The following NPSR1 variants were observed in gnomAD, a reference collection of about 807,000 sequenced individuals.
NPSR1 encodes neuropeptide S receptor.
In NPSR1, 48 loss-of-function variants were observed where a neutral mutation model predicts 46.9. The observed-to-expected ratio is 1.02, with a 90% CI of 0.81 to 1.30. The LOEUF is 1.30. NPSR1 is among the 50% of genes most tolerant of loss of function. The pLI, the probability that NPSR1 is intolerant of heterozygous loss-of-function variation, is 0.00. For synonymous variants in NPSR1, 176 were observed against 168.1 expected (o/e 1.05, Z -0.36); for missense variants, 450 against 449.5 (o/e 1.00, Z -0.01).
chr7:34,816,019 A>T (rs960293865), intron 4 of NPSR1, among the ~76,000 whole-genome samples: 1 of 152,238 alleles, frequency 6.6e-6, no homozygotes, highest in African/African-American at 2.4e-5. Context: ...TAACGGGCAA[A>T]ATAACCAGCT....
intron 5 of NPSR1, 54 bp downstream of exon 5, chr7:34,827,656 C>T: frequency 1.0e-6 from 1 of 966,048 alleles, no homozygotes; most frequent in Admixed American, 1.9e-5. Context: ...GGGGGGCTTT[C>T]CTGTTTCTCC....
At chr7:34,805,256 C>CCAA (rs1431159142) in intron 3 of NPSR1, among the ~76,000 whole-genome samples, 1 of 151,736 alleles carries the variant, frequency 6.6e-6, no homozygotes, top group African/African-American at 2.4e-5. Flanking sequence ...GTTTGAACAA[C>CCAA]CAACACTACC....
intron 4 of NPSR1, among the ~76,000 whole-genome samples, chr7:34,813,846 T>C (rs1050279338): frequency 3.3e-5 from 5 of 152,180 alleles, no homozygotes; most frequent in African/African-American, 1.2e-4. Flanking sequence ...TTAAAATGAA[T>C]TTATTTTGAT....
chr7:34,719,050 G>C (rs1388071680), intron 2 of NPSR1: 2 of 152,460 alleles, frequency 1.3e-5, no homozygotes, highest in African/African-American at 4.8e-5. Context: ...TGTCCTGCTG[G>C]CTTGGTGAGA....
chr7:34,670,434 C>G (rs1791991924), intron 1 of NPSR1, among the ~76,000 whole-genome samples: 1 of 151,804 alleles, frequency 6.6e-6, no homozygotes, highest in African/African-American at 2.4e-5. Context: ...TAAATCTCAG[C>G]TAGATTGCGG....
intron 2 of NPSR1, chr7:34,703,893 A>T (rs1322301246): frequency 1.7e-5 from 1 of 59,848 alleles, no homozygotes; most frequent in Non-Finnish European, 3.4e-5. Flanking sequence ...ACTCCCGATG[A>T]GTGTTCAACA....
chr7:34,734,602 C>A (rs1287281804), intron 2 of NPSR1, among the ~76,000 whole-genome samples: 2 of 152,188 alleles, frequency 1.3e-5, no homozygotes, highest in African/African-American at 4.8e-5. Context: ...CAAAAATAAT[C>A]TTTTCTTTGG....
chr7:34,661,531 T>C (rs921931063), intron 1 of NPSR1, among the ~76,000 whole-genome samples: 1 of 152,214 alleles, frequency 6.6e-6, no homozygotes, highest in Non-Finnish European at 1.5e-5. Flanking sequence ...GCACCCCGTC[T>C]AGATCTTACT....
rs1351919281 is a variant in NPSR1 at position 34,658,459 on chromosome 7, G to A, written c.47G>A (p.Gly16Glu). 1.2e-6 allele frequency: 2 copies of A among 1,614,144 alleles called. No homozygotes were observed. Among genetic ancestry groups the A allele is most frequent in the South Asian group, 2.2e-5 (2 of 91,080 alleles). Residue 16 changes from glycine to glutamate, a missense_variant, in exon 1 of 9, where the codon GGG (glycine) becomes GAG (glutamate). Coordinates refer to ENST00000360581, the MANE Select transcript of NPSR1 (RefSeq NM_207172.2). ...GGCAGCTTCGATTCCAGTGGGACCG[G>A]GCAGACGCTGGATTCTTCCCCAGTG... ...TEGSFDSSGTGQTLDSSPVAC... is the reference protein window; with the variant it reads ...TEGSFDSSGTEQTLDSSPVAC...
At chr7:34,869,341 A>C (rs769839907) in intron 8 of NPSR1, among the ~76,000 whole-genome samples, 2 of 151,860 alleles carry the variant, frequency 1.3e-5, no homozygotes, top group Non-Finnish European at 2.9e-5. Context: ...ACAGTACTGC[A>C]AAGTGATTAA....
At chr7:34,858,325 G>GTAT (rs1407116576) in intron 8 of NPSR1, among the ~76,000 whole-genome samples, 1 of 151,652 alleles carries the variant, frequency 6.6e-6, no homozygotes, top group African/African-American at 2.4e-5. Context: ...AAATTATGGT[G>GTAT]TATTTCATAC....
At position 34,748,454 on chromosome 7, in the gene NPSR1, G is replaced by T. The variant is rs574522695; in HGVS notation, c.281-30008G>T. 8.5e-5 allele frequency among the ~76,000 whole-genome samples: 13 copies of T among 152,236 alleles called. No individual in the cohort carries two copies. The East Asian group carries it at 2.3e-3, about 27-fold the overall frequency. On this transcript the variant is annotated intron_variant, in intron 2 of 8. Coordinates refer to ENST00000360581, the MANE Select transcript of NPSR1 (RefSeq NM_207172.2). ...AGACAGAAAGCAGCCTCAGGACGGG[G>T]CCAGAGCATGAGACTAGGGGTGGTG...
At position 34,792,689 on chromosome 7, in the gene NPSR1, GTATATATATACGTA is replaced by G. The variant is rs1787968072; in HGVS notation, c.384+14135_384+14148del. On this transcript the variant is annotated intron_variant, in intron 3 of 8. Coordinates refer to ENST00000360581, the MANE Select transcript of NPSR1 (RefSeq NM_207172.2). The stretch of plus-strand genomic sequence containing the variant: ...TTTATATATATGTATATATATATAT[GTATATATATACGTA>G]TATATATATATTTATATATATATAT... Among the ~76,000 whole-genome samples, 26 of 74,290 alleles carry G rather than the reference GTATATATATACGTA, an allele frequency of 3.5e-4. 1 individual carries two copies. Among genetic ancestry groups the G allele is most frequent in the South Asian group, 7.3e-4 (2 of 2,734 alleles). 48.7% of individuals were successfully genotyped at this position (74,290 alleles called of 152,430 possible). A position where few individuals can be genotyped will look rare whatever the true frequency, so the allele number is the denominator to read the frequency against.
At chr7:34,659,263 G>A (rs1791338510) in intron 1 of NPSR1, among the ~76,000 whole-genome samples, 1 of 152,168 alleles carries the variant, frequency 6.6e-6, no homozygotes, top group African/African-American at 2.4e-5. Flanking sequence ...GCACATTTGG[G>A]AAAAGAACAG....
chr7:34,712,848 C>T (rs1783368706), intron 2 of NPSR1, among the ~76,000 whole-genome samples: 1 of 152,184 alleles, frequency 6.6e-6, no homozygotes, highest in African/African-American at 2.4e-5. Context: ...TTTTTCTCTC[C>T]ATTTTCTTGC....
At chr7:34,802,886 C>T (rs1165907196) in intron 3 of NPSR1, among the ~76,000 whole-genome samples, 2 of 150,202 alleles carry the variant, frequency 1.3e-5, no homozygotes, top group African/African-American at 2.5e-5. Context: ...AACAAACAAC[C>T]CCATCAAAAA....
At chr7:34,804,188 A>T (rs911077072) in intron 3 of NPSR1, among the ~76,000 whole-genome samples, 1 of 152,132 alleles carries the variant, frequency 6.6e-6, no homozygotes, top group Non-Finnish European at 1.5e-5. Context: ...CCCTAATTCT[A>T]AAACCAATGA....
chr7:34,847,789 T>G (rs1790790975), intron 7 of NPSR1, among the ~76,000 whole-genome samples: 1 of 152,216 alleles, frequency 6.6e-6, no homozygotes, highest in African/African-American at 2.4e-5. Flanking sequence ...ACAGCCAGAA[T>G]AGCGTTTAAC....
chr7:34,757,837 C>G (rs1785947995), intron 2 of NPSR1, among the ~76,000 whole-genome samples: 1 of 152,222 alleles, frequency 6.6e-6, no homozygotes, highest in African/African-American at 2.4e-5. Flanking sequence ...CCACTCAGCA[C>G]AAACAACTTA....
Sources: gnomAD v4.1 joint callset for allele counts (sites outside exome capture counted in the v4.1 genomes callset) on GRCh38, gnomAD v4.1.1 for gene constraint, MANE v1.5 for transcripts, NCBI Gene and HGNC (gene_info 2026-07-23, HGNC 2026-07-21) for gene names.